Variants in ORC3 observed in about 807,000 individuals in gnomAD.
The protein encoded by ORC3 is homolog of latheo, Drosophila.
Under a neutral mutation model 100.7 loss-of-function variants are expected in ORC3, and 78 were observed. The ratio of observed to expected loss-of-function variants is 0.77; its 90% CI spans 0.65 to 0.94. The LOEUF is 0.94. ORC3 is among the 40% of genes least tolerant of loss of function. ORC3 has a pLI of 0.00. For synonymous variants in ORC3, 295 were observed against 289.3 expected, an observed-to-expected ratio of 1.02 and a Z score of -0.20; for missense variants, 789 against 823.9, an observed-to-expected ratio of 0.96 and a Z score of 0.52.
intron 13 of ORC3, among the ~76,000 whole-genome samples, chr6:87,649,880 T>A (rs576135720): frequency 4.6e-5 from 7 of 152,288 alleles, no homozygotes; most frequent in South Asian, 2.1e-4. Context: ...AGGGCTTTTT[T>A]AATATAGGTC....
At chr6:87,676,596 A>AATACACGCACGCGCGCACAC in the ORC3 span, among the ~76,000 whole-genome samples, 1 of 142,046 alleles carries the variant, frequency 7.0e-6, no homozygotes, top group African/African-American at 2.7e-5. Context: ...CTCTACTAAA[A>AATACACGCACGCGCGCACAC]ACACACACAC....
intron 19 of ORC3, 68 bp downstream of exon 19, chr6:87,665,901 G>C: frequency 1.1e-6 from 1 of 905,262 alleles, no homozygotes; most frequent in Admixed American, 2.0e-5. Context: ...ATTTCTCCAG[G>C]TCTACACTAG....
In ORC3 at chr6:87,607,832, T is replaced by A. The variant is rs768438127; in HGVS notation, c.579+8T>A. 3 of 1,592,356 alleles carry A rather than the reference T, an allele frequency of 1.9e-6. No homozygotes were observed. Among genetic ancestry groups the A allele is most frequent in the East Asian group, 2.2e-5 (1 of 44,628 alleles). On this transcript the variant is annotated splice_region_variant and intron_variant, in intron 6 of 19. Transcript: ENST00000392844. ...TATATGACTGTCACACAGGTAGATA[T>A]AAACTGATGATTTTCTCCCAGGAAA...
At chr6:87,675,918 C>T in the ORC3 span, 13 of 1,613,108 alleles carry the variant, frequency 8.1e-6, 1 homozygote, top group South Asian at 4.4e-5. Flanking sequence ...ACTTCACAAA[C>T]GCATCATATT....
chr6:87,677,668 A>G, the ORC3 span: 7 of 914,950 alleles, frequency 7.7e-6, no homozygotes, highest in Middle Eastern at 3.5e-4. Flanking sequence ...CATGAGCTAT[A>G]AGAAGGTTAA....
At chr6:87,606,747 T>C (rs1447074505) in intron 5 of ORC3, among the ~76,000 whole-genome samples, 3 of 152,082 alleles carry the variant, frequency 2.0e-5, no homozygotes, top group Non-Finnish European at 4.4e-5. Flanking sequence ...AGAGATTGGG[T>C]CTTGCTGTGT....
At chr6:87,676,611 A>ACGCACGCGCG in the ORC3 span, among the ~76,000 whole-genome samples, 9 of 144,020 alleles carry the variant, frequency 6.2e-5, no homozygotes, top group African/African-American at 2.5e-4. Context: ...ACACACACAC[A>ACGCACGCGCG]CACACACACA....
chr6:87,653,870 C>T (rs1769464567), intron 14 of ORC3, among the ~76,000 whole-genome samples: 1 of 152,134 alleles, frequency 6.6e-6, no homozygotes, highest in Non-Finnish European at 1.5e-5. Context: ...ATTTATATAT[C>T]CTGAATGCTT....
chr6:87,656,936 C>A lies in ORC3; in HGVS notation c.1547C>A (p.Ser516Ter). The change falls in exon 15 of 20, where the codon TCA becomes TAA. Residue 516 changes from serine to a stop codon, truncating the protein, a stop_gained. Coordinates refer to ENST00000392844, the MANE Select transcript of ORC3 (RefSeq NM_012381.4). LOFTEE classifies it high-confidence loss of function. ...AAAGAGGAAGAAGATGCTTCTGGGTCACAGCCAAAGGGGCTTCAGAAGACA... is the reference window on the plus strand; with the variant it reads ...AAAGAGGAAGAAGATGCTTCTGGGTAACAGCCAAAGGGGCTTCAGAAGACA... ...ETKEEEDASG[S>*]QPKGLQKTDL... 6.2e-7 allele frequency: 1 copy of A among 1,613,036 alleles called. No homozygotes were observed. Among genetic ancestry groups the A allele is most frequent in the South Asian group, 1.1e-5 (1 of 91,000 alleles).
At chr6:87,611,915 C>G (rs1330134226) in intron 7 of ORC3, among the ~76,000 whole-genome samples, 174 bp from the exon 8 acceptor site, 1 of 152,150 alleles carries the variant, frequency 6.6e-6, no homozygotes, top group Admixed American at 6.5e-5. Flanking sequence ...AATTATTTCT[C>G]TGTTTAATAG....
intron 8 of ORC3, 72 bp from the exon 9 acceptor site, chr6:87,616,242 A>G (rs2128259202): frequency 3.3e-6 from 2 of 597,798 alleles, no homozygotes; most frequent in Non-Finnish European, 6.1e-6. Flanking sequence ...TTGCCTCATT[A>G]TTAATACTTA....
chr6:87,646,125 TACAGGCGCCTGCCACC>T (rs1314544190), intron 13 of ORC3, among the ~76,000 whole-genome samples: 2 of 151,794 alleles, frequency 1.3e-5, no homozygotes, highest in African/African-American at 2.4e-5. Context: ...TAGCCGGGAC[TACAGGCGCCTGCCACC>T]AAGCCCGGCT....
intron 3 of ORC3, among the ~76,000 whole-genome samples, chr6:87,602,911 A>ATT (rs55825048): frequency 1.5e-5 from 1 of 64,738 alleles, no homozygotes. Flanking sequence ...TATATTATAT[A>ATT]TTATATATAT....
chr6:87,655,321 G>C (rs936938232), intron 14 of ORC3, among the ~76,000 whole-genome samples: 5 of 150,860 alleles, frequency 3.3e-5, no homozygotes, highest in Non-Finnish European at 7.4e-5. Flanking sequence ...GAGTAGCTAG[G>C]ACTACAGAAA....
At position 87,621,942 on chromosome 6, in the gene ORC3, A is replaced by G; in HGVS notation, c.1122-8A>G. The G allele has an allele frequency of 6.3e-7, 1 of 1,594,120 alleles. No homozygotes were observed. Among genetic ancestry groups the G allele is most frequent in the South Asian group, 1.1e-5 (1 of 89,800 alleles). The stretch of plus-strand genomic sequence containing the variant: ...CTCTTTTTATGTATGGAATGGTGAA[A>G]ATTCTAGGTACGTGGAAAAGCAAGC... On this transcript the variant is annotated splice_polypyrimidine_tract_variant and splice_region_variant and intron_variant, in intron 10 of 19. Coordinates refer to ENST00000392844, the MANE Select transcript of ORC3 (RefSeq NM_012381.4).
At position 87,601,849 on chromosome 6, in the gene ORC3, T is replaced by G; in HGVS notation, c.145T>G (p.Leu49Val). The G allele has an allele frequency of 6.2e-7, 1 of 1,610,134 alleles. No homozygotes were observed. ...DSKLRFETYQLIWQQMKSENE... is the reference protein window; with the variant it reads ...DSKLRFETYQVIWQQMKSENE... ...TAAGCTTCGATTCGAAACTTATCAG[T>G]TGATATGGCAGCAGATGAAATCTGA... The change falls in exon 3 of 20, where the codon TTG becomes GTG. Residue 49 changes from leucine to valine, a missense_variant. Coordinates refer to ENST00000392844, the MANE Select transcript of ORC3 (RefSeq NM_012381.4).
At chr6:87,622,092 T>G (rs1346460463) in intron 11 of ORC3, 79 bp downstream of exon 11, 1 of 907,866 alleles carries the variant, frequency 1.1e-6, no homozygotes, top group East Asian at 2.5e-5. Flanking sequence ...TTTATTGAGT[T>G]AATAAAACAT....
intron 1 of ORC3, 60 bp downstream of exon 1, chr6:87,590,252 G>A: frequency 6.4e-7 from 1 of 1,565,200 alleles, no homozygotes; most frequent in Non-Finnish European, 8.8e-7. Context: ...TTTGAAGAAG[G>A]GATGAAGCCG....
the ORC3 span, chr6:87,676,001 A>C: frequency 1.6e-6 from 2 of 1,280,414 alleles, no homozygotes; most frequent in East Asian, 4.6e-5. Context: ...CTGAAAACAC[A>C]AAATATACAG....
Sources: allele counts gnomAD v4.1 joint callset (sites outside exome capture counted in the v4.1 genomes callset), GRCh38; gene constraint gnomAD v4.1.1; transcripts MANE v1.5; gene names NCBI Gene and HGNC (gene_info 2026-07-23, HGNC 2026-07-21).